TRABD2B: variants seen among roughly 807,000 people sequenced by gnomAD.
TRABD2B encodes metalloprotease TIKI2.
In TRABD2B, 14 loss-of-function variants were observed where a neutral mutation model predicts 40.1. The ratio of observed to expected loss-of-function variants is 0.35; its 90% confidence interval spans 0.23 to 0.55. TRABD2B has a LOEUF of 0.55. Among genes scored for constraint, TRABD2B ranks in the 20% least tolerant of loss-of-function variants. The pLI, the probability that TRABD2B is intolerant of heterozygous loss-of-function variation, is 0.90. For missense variants in TRABD2B, 541 were observed against 648.6 expected (o/e 0.83, Z 1.80); for synonymous variants, 263 against 277.0 (o/e 0.95, Z 0.50).
chr1:47,797,455 A>G (rs1455677032), intron 3 of TRABD2B, among the ~76,000 whole-genome samples: 1 of 152,180 alleles, frequency 6.6e-6, no homozygotes, highest in East Asian at 1.9e-4. Context: ...TCTCCTTCCA[A>G]GGGTCCCTGG....
intron 3 of TRABD2B, among the ~76,000 whole-genome samples, chr1:47,795,406 C>T (rs138192868): frequency 6.6e-6 from 1 of 152,296 alleles, no homozygotes; most frequent in African/African-American, 2.4e-5. Flanking sequence ...ATCTTGTTAA[C>T]TGCTCTCACT....
intron 2 of TRABD2B, among the ~76,000 whole-genome samples, chr1:47,941,615 G>A (rs899285965): frequency 1.3e-5 from 2 of 152,192 alleles, no homozygotes; most frequent in African/African-American, 2.4e-5. Context: ...TATAAACCAG[G>A]CTAGTAATCA....
chr1:47,825,068 T>C (rs550614514), intron 2 of TRABD2B, among the ~76,000 whole-genome samples: 1 of 152,288 alleles, frequency 6.6e-6, no homozygotes, highest in East Asian at 1.9e-4. Context: ...TTTGCCAAGG[T>C]CACAGAGCGG....
intron 2 of TRABD2B, among the ~76,000 whole-genome samples, chr1:47,892,198 C>A (rs1212838212): frequency 1.3e-5 from 2 of 152,198 alleles, no homozygotes; most frequent in Non-Finnish European, 2.9e-5. Context: ...TGGAATCCTG[C>A]TGTCTGTAGG....
At chr1:47,939,647 G>A (rs1373241796) in intron 2 of TRABD2B, among the ~76,000 whole-genome samples, 1 of 152,154 alleles carries the variant, frequency 6.6e-6, no homozygotes, top group African/African-American at 2.4e-5. Flanking sequence ...TGAGAAGCTG[G>A]GCTGGGAGTC....
intron 2 of TRABD2B, among the ~76,000 whole-genome samples, chr1:47,866,208 G>A (rs996526216): frequency 6.6e-6 from 1 of 151,712 alleles, no homozygotes; most frequent in African/African-American, 2.4e-5. Flanking sequence ...AAGCAGGAAC[G>A]AGCAGACCCA....
At chr1:47,828,427 TC>T (rs1207988183) in intron 2 of TRABD2B, among the ~76,000 whole-genome samples, 3 of 152,056 alleles carry the variant, frequency 2.0e-5, no homozygotes, top group African/African-American at 4.8e-5. Context: ...TGTCTTCCCA[TC>T]CCCTTTAATT....
intron 2 of TRABD2B, among the ~76,000 whole-genome samples, chr1:47,874,568 G>C (rs1341926410): frequency 9.9e-6 from 1 of 101,094 alleles, no homozygotes; most frequent in African/African-American, 3.8e-5. Flanking sequence ...CACCGCGCCC[G>C]GCCTTTTTTT....
At chr1:47,951,984 G>C (rs1445603589) in intron 2 of TRABD2B, among the ~76,000 whole-genome samples, 2 of 152,232 alleles carry the variant, frequency 1.3e-5, no homozygotes, top group African/African-American at 4.8e-5. Context: ...CATAGGAGCT[G>C]GGAGTTCTGA....
intron 2 of TRABD2B, among the ~76,000 whole-genome samples, chr1:47,965,972 C>T (rs563566253): frequency 6.6e-6 from 1 of 152,150 alleles, no homozygotes; most frequent in Non-Finnish European, 1.5e-5. Context: ...GGGGAAATAA[C>T]CTAAACAAAC....
chr1:47,927,256 G>A (rs1026755036), intron 2 of TRABD2B, among the ~76,000 whole-genome samples: 8 of 152,340 alleles, frequency 5.3e-5, no homozygotes, highest in African/African-American at 1.9e-4. Context: ...GGTGCCGGGT[G>A]CAGCCTTCCT....
intron 2 of TRABD2B, among the ~76,000 whole-genome samples, chr1:47,920,342 T>G (rs1347446305): frequency 6.6e-6 from 1 of 152,176 alleles, no homozygotes; most frequent in African/African-American, 2.4e-5. Context: ...AAATTAGAGG[T>G]CAAGAGGGCT....
chr1:47,830,358 G>A (rs1645232518), intron 2 of TRABD2B, among the ~76,000 whole-genome samples: 2 of 152,222 alleles, frequency 1.3e-5, no homozygotes, highest in Admixed American at 1.3e-4. Flanking sequence ...AGAGATCACA[G>A]GGGCTGCATA....
At chr1:47,912,798 C>G (rs1644780523) in intron 2 of TRABD2B, among the ~76,000 whole-genome samples, 1 of 152,102 alleles carries the variant, frequency 6.6e-6, no homozygotes, top group South Asian at 2.1e-4. Flanking sequence ...TCTTCTCAGG[C>G]CCACCTCGTC....
Position 47,996,573 on chromosome 1 carries a change from G to T in TRABD2B, c.102+115C>A. ...AGGGCGCCCGAGGCTGCGCCCGGGGGGTGGAGGTGGAGCGGGCGGGCTAAG... is the reference window on the plus strand; with the variant it reads ...AGGGCGCCCGAGGCTGCGCCCGGGGTGTGGAGGTGGAGCGGGCGGGCTAAG... On this transcript the variant is annotated intron_variant, in intron 1 of 6. Coordinates refer to ENST00000606738, the MANE Select transcript of TRABD2B (RefSeq NM_001194986.2). The surrounding 1 kb of genome is among the most constrained non-coding windows in gnomAD (Gnocchi z 4.6). The T allele has an allele frequency of 8.9e-7, 1 of 1,124,540 alleles. No individual in the cohort carries two copies. The highest frequency in any genetic ancestry group is 1.1e-6 in the Non-Finnish European group (1 of 905,618). The allele number at this position is 1,124,540 out of a possible 1,614,324, so 69.7% of individuals were successfully genotyped here. A position where few individuals can be genotyped will look rare whatever the true frequency, so the allele number is the denominator to read the frequency against.
chr1:47,836,088 T>A (rs1483496558), intron 2 of TRABD2B, among the ~76,000 whole-genome samples: 1 of 152,168 alleles, frequency 6.6e-6, no homozygotes, highest in Admixed American at 6.5e-5. Flanking sequence ...TGTCATTAAG[T>A]TGATATTAAT....
intron 2 of TRABD2B, among the ~76,000 whole-genome samples, chr1:47,852,210 T>C (rs1038624810): frequency 6.6e-6 from 1 of 152,054 alleles, no homozygotes; most frequent in Non-Finnish European, 1.5e-5. Context: ...GGGCCCAGAC[T>C]GCGGCCTGAG....
At chr1:47,987,327 G>C (rs1284566640) in intron 2 of TRABD2B, among the ~76,000 whole-genome samples, 1 of 152,138 alleles carries the variant, frequency 6.6e-6, no homozygotes, top group East Asian at 1.9e-4. Context: ...TAAGAGGCTA[G>C]GATTTCATGA....
chr1:47,811,399 C>G (rs957873350), intron 2 of TRABD2B, among the ~76,000 whole-genome samples: 2 of 152,188 alleles, frequency 1.3e-5, no homozygotes, highest in East Asian at 3.9e-4. Flanking sequence ...GCTGGCTGAG[C>G]TCTCAGTGCT....
Sources: gnomAD v4.1 joint callset for allele counts (sites outside exome capture counted in the v4.1 genomes callset) on GRCh38, gnomAD v4.1.1 for gene constraint, Gnocchi (gnomAD v3.1) non-coding constraint, MANE v1.5 for transcripts, NCBI Gene and HGNC (gene_info 2026-07-23, HGNC 2026-07-21) for gene names.